PLXNA2: variants seen among roughly 807,000 people sequenced by gnomAD.
PLXNA2 encodes plexin-A2.
In PLXNA2, 91 loss-of-function variants were observed where a neutral mutation model predicts 193.5. The ratio of observed to expected loss-of-function variants is 0.47; its 90% confidence interval spans 0.40 to 0.56. PLXNA2 has a LOEUF of 0.56. PLXNA2 is among the 20% of genes least tolerant of loss of function. PLXNA2 has a pLI of 0.00. For synonymous variants in PLXNA2, 997 were observed against 1,027.3 expected (o/e 0.97, Z 0.56); for missense variants, 1,995 against 2,503.2 (o/e 0.80, Z 4.33).
chr1:208,187,921 A>G (rs1161275908), intron 3 of PLXNA2, among the ~76,000 whole-genome samples: 1 of 152,186 alleles, frequency 6.6e-6, no homozygotes, highest in Non-Finnish European at 1.5e-5. Context: ...GATCCTGTGA[A>G]GGAGGAACTG....
chr1:208,239,882 G>T (rs1421010066), intron 1 of PLXNA2, among the ~76,000 whole-genome samples: 1 of 152,234 alleles, frequency 6.6e-6, no homozygotes, highest in Non-Finnish European at 1.5e-5. Flanking sequence ...GTGAGTGGGG[G>T]TCAGTGGCTG....
At chr1:208,162,210 G>C (rs544737117) in intron 3 of PLXNA2, among the ~76,000 whole-genome samples, 7 of 152,358 alleles carry the variant, frequency 4.6e-5, no homozygotes, top group African/African-American at 1.7e-4. Flanking sequence ...TCCATTAGCA[G>C]GAAGGGCAGA....
intron 4 of PLXNA2, among the ~76,000 whole-genome samples, chr1:208,139,192 A>G (rs1668395917): frequency 1.3e-5 from 2 of 152,234 alleles, no homozygotes; most frequent in South Asian, 4.1e-4. Flanking sequence ...ACAAATTTCT[A>G]TAAGATCTGA....
In PLXNA2 at chr1:208,054,415, A is replaced by T; in HGVS notation, c.2856+6T>A. On this transcript the variant is annotated splice_donor_region_variant and intron_variant, in intron 14 of 31. Coordinates refer to ENST00000367033, the MANE Select transcript of PLXNA2 (RefSeq NM_025179.4). ...ACCTGCACCTGGCCCTGGACCCAGT[A>T]CTCACCACGAAGGTGTACTGCTGAT... The T allele has an allele frequency of 3.7e-6, 6 of 1,601,256 alleles. No individual in the cohort carries two copies. The highest frequency in any genetic ancestry group is 5.1e-6 in the Non-Finnish European group (6 of 1,168,440).
intron 3 of PLXNA2, among the ~76,000 whole-genome samples, chr1:208,172,686 T>C (rs1669531199): frequency 6.6e-6 from 1 of 152,182 alleles, no homozygotes; most frequent in Non-Finnish European, 1.5e-5. Flanking sequence ...CATCATGTCC[T>C]TGGATGGTAC....
At chr1:208,176,279 C>T (rs1406083969) in intron 3 of PLXNA2, among the ~76,000 whole-genome samples, 2 of 152,134 alleles carry the variant, frequency 1.3e-5, no homozygotes, top group Admixed American at 1.3e-4. Context: ...ATTTCATTTC[C>T]ACGGGCATGG....
intron 4 of PLXNA2, among the ~76,000 whole-genome samples, chr1:208,120,509 C>A (rs1036274370): frequency 6.6e-6 from 1 of 152,200 alleles, no homozygotes; most frequent in Non-Finnish European, 1.5e-5. Flanking sequence ...GAAGATTGAA[C>A]TCTCTGAGAC....
chr1:208,042,526 G>A (rs1419560695), intron 21 of PLXNA2, among the ~76,000 whole-genome samples, 160 bp from the exon 22 acceptor site: 1 of 152,182 alleles, frequency 6.6e-6, no homozygotes, highest in Non-Finnish European at 1.5e-5. Context: ...CCGTGATGAT[G>A]TAGGAACAGC....
In PLXNA2 at chr1:208,217,353, C is replaced by T. The variant is rs771058610; in HGVS notation, c.570G>A (p.Gly190=). 3.1e-6 allele frequency: 5 copies of T among 1,614,174 alleles called. No homozygotes were observed. The South Asian group carries it at 4.4e-5, about 14-fold the overall frequency. ...GKLFIGTAVD[G]KQDYFPTLSS... ...ACAGGGTCGGGAAGTAATCCTGCTTCCCATCCACAGCCGTGCCGATGAAGA... is the reference window on the plus strand; with the variant it reads ...ACAGGGTCGGGAAGTAATCCTGCTTTCCATCCACAGCCGTGCCGATGAAGA... The change falls in exon 2 of 32, where the codon GGG becomes GGA. Residue 190 remains glycine, a synonymous_variant. Transcript: ENST00000367033. The surrounding 1 kb of genome is among the most constrained non-coding windows in gnomAD (Gnocchi z 4.7).
intron 9 of PLXNA2, among the ~76,000 whole-genome samples, chr1:208,085,336 G>C (rs962512670): frequency 3.3e-5 from 5 of 152,150 alleles, no homozygotes; most frequent in African/African-American, 1.2e-4. Flanking sequence ...AGATGAGCCT[G>C]GTAGCCCCTG....
chr1:208,101,458 C>T (rs149032123), intron 5 of PLXNA2, among the ~76,000 whole-genome samples: 7 of 152,210 alleles, frequency 4.6e-5, no homozygotes, highest in African/African-American at 9.6e-5. Context: ...TCTTGTTCTC[C>T]GCGAGCTCTT....
intron 3 of PLXNA2, among the ~76,000 whole-genome samples, chr1:208,143,739 T>G (rs1429029698): frequency 1.3e-5 from 2 of 152,276 alleles, no homozygotes; most frequent in South Asian, 4.1e-4. Flanking sequence ...CTTTTTTTTT[T>G]GCCAGACATT....
chr1:208,042,348 G>A lies in PLXNA2; in HGVS notation c.4036C>T (p.Gln1346Ter). The A allele has an allele frequency of 1.2e-6, 2 of 1,613,854 alleles. No homozygotes were observed. Among genetic ancestry groups the A allele is most frequent in the Non-Finnish European group, 1.7e-6 (2 of 1,179,768 alleles). Reference protein sequence around the residue: ...RELEVQGNGQQHVEKALKLFA... With the variant: ...RELEVQGNGQ ...AGCTTCAGGGCCTTCTCCACGTGCT[G>A]CTGCCCGTTTCCTTGTACCTGGGGT... Residue 1346 changes from glutamine to a stop codon, truncating the protein, a stop_gained, in exon 22 of 32, where the codon CAG becomes TAG. Transcript: ENST00000367033. LOFTEE classifies it high-confidence loss of function.
chr1:208,040,233 G>C, intron 22 of PLXNA2, 175 bp from the exon 23 acceptor site: 1 of 606,176 alleles, frequency 1.6e-6, no homozygotes, highest in Non-Finnish European at 3.0e-6. Flanking sequence ...GTGACCTGGG[G>C]GTAGGGGTGG....
At chr1:208,042,752 T>C (rs964660174) in intron 21 of PLXNA2, among the ~76,000 whole-genome samples, 1 of 152,222 alleles carries the variant, frequency 6.6e-6, no homozygotes, top group African/African-American at 2.4e-5. Flanking sequence ...ACAAACCTCA[T>C]AGAATCCTGT....
At chr1:208,229,752 G>A (rs1401848178) in intron 1 of PLXNA2, among the ~76,000 whole-genome samples, 43 of 152,178 alleles carry the variant, frequency 2.8e-4, no homozygotes, top group Non-Finnish European at 2.6e-4. Flanking sequence ...CTCCAGAGCC[G>A]TTAACCATAT....
intron 3 of PLXNA2, among the ~76,000 whole-genome samples, chr1:208,153,226 T>C (rs1020834344): frequency 6.6e-6 from 1 of 152,202 alleles, no homozygotes; most frequent in African/African-American, 2.4e-5. Flanking sequence ...AAAGGCTTTA[T>C]GCACATTTTC....
chr1:208,133,440 G>A (rs998752644), intron 4 of PLXNA2, among the ~76,000 whole-genome samples: 2 of 152,180 alleles, frequency 1.3e-5, no homozygotes, highest in African/African-American at 4.8e-5. Flanking sequence ...AATCAAGAAG[G>A]TACTTATCTT....
chr1:208,104,524 A>T (rs955317493), intron 4 of PLXNA2, among the ~76,000 whole-genome samples: 2 of 152,156 alleles, frequency 1.3e-5, no homozygotes, highest in Non-Finnish European at 2.9e-5. Flanking sequence ...CTTAGCGAAG[A>T]GGTGACCAGT....
Sources: gnomAD v4.1 joint callset for allele counts (sites outside exome capture counted in the v4.1 genomes callset) on GRCh38, gnomAD v4.1.1 for gene constraint, Gnocchi (gnomAD v3.1) non-coding constraint, MANE v1.5 for transcripts, NCBI Gene and HGNC (gene_info 2026-07-23, HGNC 2026-07-21) for gene names.